The following GRM1 variants were observed in gnomAD, a reference collection of about 807,000 sequenced individuals.
The protein encoded by GRM1 is metabotropic glutamate receptor 1.
In GRM1, 33 loss-of-function variants were observed where a neutral mutation model predicts 90.9. The ratio of observed to expected loss-of-function variants is 0.36; its 90% CI spans 0.28 to 0.49. The LOEUF is 0.49. Among genes scored for constraint, GRM1 ranks in the 20% least tolerant of loss-of-function variants. The probability of loss-of-function intolerance (pLI) is 0.99; values close to 1 mark genes in which losing one functional copy is unlikely to be tolerated. For synonymous variants in GRM1, 700 were observed against 613.2 expected (o/e 1.14, Z -2.09); for missense variants, 1,190 against 1,534.3 (o/e 0.78, Z 3.75).
In GRM1 at chr6:146,292,955, G is replaced by C. The variant is rs141668133; in HGVS notation, c.951-11656G>C. 9.0e-4 allele frequency among the ~76,000 whole-genome samples: 137 copies of C among 152,060 alleles called. 1 individual carries two copies. The highest frequency in any genetic ancestry group is 3.2e-3 in the African/African-American group (133 of 41,558). Reference sequence around the variant, plus strand: ...CATCCGTACAAAGGAATGAAGCACTGATATACACCACAAAATGGATAAATC... The same window carrying C: ...CATCCGTACAAAGGAATGAAGCACTCATATACACCACAAAATGGATAAATC... On this transcript the variant is annotated intron_variant, in intron 2 of 7. Coordinates refer to ENST00000282753, the MANE Select transcript of GRM1 (RefSeq NM_001278064.2).
intron 3 of GRM1, among the ~76,000 whole-genome samples, chr6:146,326,886 A>T (rs982611842): frequency 6.6e-6 from 1 of 152,204 alleles, no homozygotes; most frequent in African/African-American, 2.4e-5. Context: ...AGAAAATAAG[A>T]ATACCAGGAA....
chr6:146,196,593 C>T (rs1779132304), intron 2 of GRM1, among the ~76,000 whole-genome samples: 1 of 151,640 alleles, frequency 6.6e-6, no homozygotes, highest in Non-Finnish European at 1.5e-5. Flanking sequence ...GCATGAGCCA[C>T]CATGCCCGGC....
chr6:146,329,643 G>T (rs1354713670), intron 3 of GRM1, among the ~76,000 whole-genome samples: 2 of 152,230 alleles, frequency 1.3e-5, no homozygotes, highest in African/African-American at 4.8e-5. Flanking sequence ...CTTGACTTAT[G>T]ATGGTATTAC....
intron 2 of GRM1, among the ~76,000 whole-genome samples, chr6:146,194,100 C>T (rs774824561): frequency 6.3e-4 from 96 of 152,184 alleles, no homozygotes; most frequent in Admixed American, 9.8e-4. Flanking sequence ...TGTGGCTTCT[C>T]AATGTTTTAA....
chr6:146,396,966 A>G (rs543391299), intron 6 of GRM1, among the ~76,000 whole-genome samples: 1 of 152,308 alleles, frequency 6.6e-6, no homozygotes, highest in African/African-American at 2.4e-5. Flanking sequence ...TTCAGCAACA[A>G]GAGCTCAGTA....
At chr6:146,131,588 C>T (rs933020681) in intron 1 of GRM1, among the ~76,000 whole-genome samples, 1 of 152,056 alleles carries the variant, frequency 6.6e-6, no homozygotes, top group Non-Finnish European at 1.5e-5. Context: ...AGTGATACCT[C>T]CACTCGGACA....
intron 1 of GRM1, among the ~76,000 whole-genome samples, chr6:146,112,132 A>G (rs1259907046): frequency 1.3e-5 from 2 of 152,186 alleles, no homozygotes; most frequent in Middle Eastern, 3.2e-3. Flanking sequence ...GATTCTGCCC[A>G]TTTAACATCA....
At chr6:146,038,472 A>G (rs1790972873) in intron 1 of GRM1, among the ~76,000 whole-genome samples, 1 of 152,060 alleles carries the variant, frequency 6.6e-6, no homozygotes, top group Non-Finnish European at 1.5e-5. Flanking sequence ...GGTAGATGTA[A>G]TAGATGTAAG....
intron 1 of GRM1, among the ~76,000 whole-genome samples, chr6:146,089,619 A>G (rs1776652369): frequency 6.6e-6 from 1 of 152,150 alleles, no homozygotes. Flanking sequence ...TTATATATTG[A>G]TGCCTTTATT....
intron 3 of GRM1, among the ~76,000 whole-genome samples, chr6:146,333,783 A>C (rs362981): frequency 0.011 from 1,724 of 152,238 alleles, 70 homozygotes; most frequent in East Asian, 0.078. Flanking sequence ...TTATTTTACA[A>C]GATGAAAAAC....
At chr6:146,319,248 G>A (rs1187005959) in intron 3 of GRM1, among the ~76,000 whole-genome samples, 2 of 152,070 alleles carry the variant, frequency 1.3e-5, no homozygotes, top group Non-Finnish European at 2.9e-5. Flanking sequence ...GCATGTTTTT[G>A]TCAGGTTTGT....
intron 1 of GRM1, among the ~76,000 whole-genome samples, chr6:146,091,365 A>G (rs1239419073): frequency 7.2e-5 from 11 of 152,042 alleles, no homozygotes; most frequent in Admixed American, 5.9e-4. Flanking sequence ...TTGATAGTGT[A>G]TTCATGAAAG....
intron 2 of GRM1, among the ~76,000 whole-genome samples, chr6:146,166,797 A>T (rs1777923554): frequency 6.6e-6 from 1 of 152,032 alleles, no homozygotes. Context: ...TCTCTCCATA[A>T]CCACTTATCT....
At chr6:146,301,979 C>T (rs2114917984) in intron 2 of GRM1, among the ~76,000 whole-genome samples, 1 of 152,144 alleles carries the variant, frequency 6.6e-6, no homozygotes, top group South Asian at 2.1e-4. Context: ...GAGTAATAGG[C>T]TTACAACACT....
At chr6:146,194,920 G>A (rs1200702591) in intron 2 of GRM1, among the ~76,000 whole-genome samples, 2 of 152,114 alleles carry the variant, frequency 1.3e-5, no homozygotes, top group South Asian at 2.1e-4. Flanking sequence ...ACTTAGTTTC[G>A]AGATGTTACC....
In GRM1 at chr6:146,029,567, C is replaced by T. The variant is rs1477880063; in HGVS notation, c.50C>T (p.Ser17Phe). The T allele has an allele frequency of 5.0e-6, 8 of 1,613,966 alleles. No homozygotes were observed. The highest frequency in any genetic ancestry group is 1.7e-5 in the Admixed American group (1 of 59,998). Residue 17 changes from serine (S) to phenylalanine (F), a missense_variant, in exon 1 of 8, where the codon TCC becomes TTC. Transcript: ENST00000282753. Reference protein sequence around the residue: ...FFFPAIFLEVSLLPRSPGRKV... With the variant: ...FFFPAIFLEVFLLPRSPGRKV... Reference sequence around the variant, plus strand: ...TTCCCAGCGATCTTTTTGGAGGTGTCCCTTCTCCCCAGAAGCCCCGGCAGG... The same window carrying T: ...TTCCCAGCGATCTTTTTGGAGGTGTTCCTTCTCCCCAGAAGCCCCGGCAGG...
intron 3 of GRM1, among the ~76,000 whole-genome samples, chr6:146,312,349 C>CAAA (rs1166008558): frequency 0.029 from 610 of 21,280 alleles, 89 homozygotes; most frequent in African/African-American, 0.052. Flanking sequence ...AACTCCGTCT[C>CAAA]AAAAAAAAAA....
At chr6:146,041,142 T>G (rs563073671) in intron 1 of GRM1, among the ~76,000 whole-genome samples, 1 of 152,164 alleles carries the variant, frequency 6.6e-6, no homozygotes, top group East Asian at 1.9e-4. Flanking sequence ...CTCTGATAAC[T>G]TTATAAATTG....
intron 1 of GRM1, among the ~76,000 whole-genome samples, chr6:146,140,116 T>TCTTA (rs1262520327): frequency 3.8e-5 from 5 of 132,838 alleles, no homozygotes; most frequent in Admixed American, 8.1e-5. Flanking sequence ...TTTCTTTCTT[T>TCTTA]CTTTCTTTCT....
Sources: allele counts gnomAD v4.1 joint callset (sites outside exome capture counted in the v4.1 genomes callset), GRCh38; gene constraint gnomAD v4.1.1; transcripts MANE v1.5; gene names NCBI Gene and HGNC (gene_info 2026-07-23, HGNC 2026-07-21).